Variants in NCKAP1L observed in about 807,000 individuals in gnomAD.
The protein encoded by NCKAP1L is NCK associated protein 1 like.
A neutral mutation model predicts 139.2 loss-of-function variants in NCKAP1L; 53 were observed. The observed-to-expected ratio is 0.38, with a 90% CI of 0.31 to 0.48. The LOEUF (loss-of-function observed/expected upper bound fraction) is 0.48. NCKAP1L is among the 20% of genes least tolerant of loss of function. The pLI is 0.98. For missense variants in NCKAP1L, 1,151 were observed against 1,381.9 expected (o/e 0.83, Z 2.65); for synonymous variants, 468 against 499.7 (o/e 0.94, Z 0.85).
chr12:54,498,862 G>A, intron 1 of NCKAP1L: 2 of 973,332 alleles, frequency 2.1e-6, no homozygotes, highest in South Asian at 9.5e-5. Flanking sequence ...TAGATACTTG[G>A]CTTAATGTCT....
At chr12:54,500,147 G>A (rs1430133090) in intron 2 of NCKAP1L, among the ~76,000 whole-genome samples, 1 of 145,274 alleles carries the variant, frequency 6.9e-6, no homozygotes, top group Non-Finnish European at 1.5e-5. Context: ...TTTTTGAGAT[G>A]GAGTCTTGCT....
intron 1 of NCKAP1L, among the ~76,000 whole-genome samples, chr12:54,498,201 G>T (rs1565670066): frequency 6.6e-6 from 1 of 152,138 alleles, no homozygotes. Context: ...TTGGATAAAG[G>T]TCTGGGGTCC....
rs375558686 is a variant in NCKAP1L at position 54,539,688 on chromosome 12, C to T, written c.3273+715C>T. Among the ~76,000 whole-genome samples the T allele has an allele frequency of 3.9e-4, 60 of 152,300 alleles. 4 individuals are homozygous for T. The South Asian group carries it at 0.012, about 31-fold the overall frequency. ...GGACAGGAAGGGCTTTTGCCCTGGG[C>T]CCAGTGTTTAAAAGGCCCTCCTTGA... On this transcript the variant is annotated intron_variant, in intron 30 of 30. Transcript: ENST00000293373.
At chr12:54,512,511 G>T (rs1358847370) in intron 9 of NCKAP1L, 1 of 158,050 alleles carries the variant, frequency 6.3e-6, no homozygotes, top group African/African-American at 2.4e-5. Context: ...TATTTGTAAA[G>T]CAGGTAGAAA....
chr12:54,511,210 A>G (rs886076906), intron 7 of NCKAP1L, among the ~76,000 whole-genome samples: 6 of 152,218 alleles, frequency 3.9e-5, no homozygotes, highest in African/African-American at 1.4e-4. Flanking sequence ...GTTATTAAAA[A>G]TATCTGAACT....
intron 30 of NCKAP1L, among the ~76,000 whole-genome samples, chr12:54,539,881 C>T (rs143435529): frequency 3.3e-5 from 5 of 152,272 alleles, no homozygotes; most frequent in South Asian, 2.1e-4. Context: ...CCTACTGAGG[C>T]GGACCGTCCT....
At chr12:54,503,234 T>C (rs1484897242) in intron 3 of NCKAP1L, among the ~76,000 whole-genome samples, 1 of 152,132 alleles carries the variant, frequency 6.6e-6, no homozygotes, top group African/African-American at 2.4e-5. Flanking sequence ...TTGATAGTTT[T>C]TGGGAGCAAT....
chr12:54,542,642 G>C lies in NCKAP1L; in HGVS notation c.3341G>C (p.Arg1114Pro), dbSNP rs867197350. The change falls in exon 31 of 31, where the codon CGA becomes CCA. Residue 1114 changes from arginine to proline, a missense_variant. Coordinates refer to ENST00000293373, the MANE Select transcript of NCKAP1L (RefSeq NM_005337.5). The stretch of plus-strand genomic sequence containing the variant: ...TCCTGTTTCCCTTATGTCCTGCTTC[G>C]AAATGCCTATCGGGAGGTGTCTCGG... ...LESCFPYVLL[R>P]NAYREVSRAF... 2 of 1,613,972 alleles carry C rather than the reference G, an allele frequency of 1.2e-6. No individual in the cohort carries two copies. Among genetic ancestry groups the C allele is most frequent in the Non-Finnish European group, 1.7e-6 (2 of 1,180,020 alleles).
At chr12:54,499,986 C>T (rs988125637) in intron 2 of NCKAP1L, among the ~76,000 whole-genome samples, 1 of 152,130 alleles carries the variant, frequency 6.6e-6, no homozygotes, top group Non-Finnish European at 1.5e-5. Flanking sequence ...CTCATTTAGC[C>T]CTCTGTATCT....
chr12:54,508,861 T>A (rs1396181456), intron 5 of NCKAP1L, among the ~76,000 whole-genome samples: 1 of 152,170 alleles, frequency 6.6e-6, no homozygotes, highest in Non-Finnish European at 1.5e-5. Flanking sequence ...GGGACTTCAG[T>A]ATGCACGGGA....
At chr12:54,515,116 A>G (rs1288728671) in intron 9 of NCKAP1L, among the ~76,000 whole-genome samples, 1 of 152,256 alleles carries the variant, frequency 6.6e-6, no homozygotes, top group Non-Finnish European at 1.5e-5. Context: ...TGAAATTAGG[A>G]CACAATTCCA....
chr12:54,517,450 C>A, intron 11 of NCKAP1L, 83 bp from the exon 12 acceptor site: 1 of 898,820 alleles, frequency 1.1e-6, no homozygotes. Flanking sequence ...ACATCCATAC[C>A]TATATTATCA....
At chr12:54,517,739 T>A in intron 12 of NCKAP1L, 67 bp from the exon 13 acceptor site, 1 of 1,603,124 alleles carries the variant, frequency 6.2e-7, no homozygotes. Context: ...TGCCCTGATA[T>A]CACTGTGTTT....
At chr12:54,524,246 T>C (rs1020429131) in intron 20 of NCKAP1L, among the ~76,000 whole-genome samples, 1 of 152,250 alleles carries the variant, frequency 6.6e-6, no homozygotes, top group Non-Finnish European at 1.5e-5. Flanking sequence ...AGACCTGTGT[T>C]GACAACCTGG....
At chr12:54,501,451 T>A (rs1956797526) in intron 3 of NCKAP1L, among the ~76,000 whole-genome samples, 2 of 152,180 alleles carry the variant, frequency 1.3e-5, no homozygotes, top group South Asian at 4.1e-4. Flanking sequence ...TACTTTCAAT[T>A]CTTTTGATTA....
At chr12:54,535,033 G>T (rs1957103330) in intron 26 of NCKAP1L, 71 bp from the exon 27 acceptor site, 15 of 1,210,330 alleles carry the variant, frequency 1.2e-5, no homozygotes, top group African/African-American at 1.1e-4. Flanking sequence ...AAAAGTCCTG[G>T]CTATGCATTC....
At chr12:54,508,636 A>C (rs1001413191) in intron 5 of NCKAP1L, 105 bp downstream of exon 5, 2 of 1,203,324 alleles carry the variant, frequency 1.7e-6, no homozygotes, top group African/African-American at 3.0e-5. Flanking sequence ...TTATATGAGA[A>C]CCTATAATCT....
Position 54,513,345 on chromosome 12 carries a change from C to T in NCKAP1L, c.941+1240C>T, listed in dbSNP as rs1592341247. ...TGAAATGTCTGTGGGACACTGAAGA[C>T]AGATGTGTTAGGCCTTCTATTTTAT... is the stretch of plus-strand genomic sequence containing the variant. On this transcript the variant is annotated intron_variant, in intron 9 of 30. Coordinates refer to ENST00000293373, the MANE Select transcript of NCKAP1L (RefSeq NM_005337.5). 3.3e-5 allele frequency among the ~76,000 whole-genome samples: 5 copies of T among 152,278 alleles called. 1 individual carries two copies. Among genetic ancestry groups the T allele is most frequent in the Admixed American group, 3.3e-4 (5 of 15,296 alleles).
chr12:54,506,796 A>AAAAAATATATATATATATATATATATAT, intron 3 of NCKAP1L, among the ~76,000 whole-genome samples: 1 of 50,608 alleles, frequency 2.0e-5, no homozygotes, highest in South Asian at 1.2e-3. Context: ...AAAAAAAAAA[A>AAAAAATATATATATATATATATATATAT]ATATATATAT....
Sources: gnomAD v4.1 joint callset for allele counts (sites outside exome capture counted in the v4.1 genomes callset) on GRCh38, gnomAD v4.1.1 for gene constraint, MANE v1.5 for transcripts, NCBI Gene and HGNC (gene_info 2026-07-23, HGNC 2026-07-21) for gene names.